Variants in ADAMTS20 observed in about 807,000 individuals in gnomAD.
ADAMTS20 encodes the protein A disintegrin and metalloproteinase with thrombospondin motifs 20.
A neutral mutation model predicts 260.1 loss-of-function variants in ADAMTS20; 225 were observed. That is an observed-to-expected ratio of 0.87 (90% CI 0.78 to 0.97). ADAMTS20 has a LOEUF of 0.97. ADAMTS20 is among the 50% of genes least tolerant of loss of function. ADAMTS20 has a pLI of 0.00. For missense variants in ADAMTS20, 2,400 were observed against 2,337.7 expected, an observed-to-expected ratio of 1.03 and a Z score of -0.55; for synonymous variants, 802 against 769.5, an observed-to-expected ratio of 1.04 and a Z score of -0.70.
At chr12:43,369,954 T>A (rs1940071181) in intron 36 of ADAMTS20, among the ~76,000 whole-genome samples, 2 of 152,120 alleles carry the variant, frequency 1.3e-5, no homozygotes, top group African/African-American at 4.8e-5. Context: ...AGAGTCTACA[T>A]AAAGTATCAA....
intron 29 of ADAMTS20, among the ~76,000 whole-genome samples, chr12:43,393,613 G>C (rs1026684073): frequency 6.6e-6 from 1 of 151,872 alleles, no homozygotes; most frequent in Non-Finnish European, 1.5e-5. Context: ...TATTTAAAAT[G>C]AAAATAGGGA....
intron 14 of ADAMTS20, among the ~76,000 whole-genome samples, chr12:43,450,091 C>A (rs55893722): frequency 0.22 from 33,814 of 152,058 alleles, 4,383 homozygotes; most frequent in African/African-American, 0.35. Context: ...CCTTAGAACT[C>A]TGCAAATAGT....
chr12:43,516,706 T>A (rs1304039459), intron 3 of ADAMTS20, among the ~76,000 whole-genome samples: 6 of 152,084 alleles, frequency 3.9e-5, no homozygotes, highest in Non-Finnish European at 5.9e-5. Context: ...TAGGCCCTCA[T>A]CATCCTTGCT....
At chr12:43,410,906 C>T (rs1941018416) in intron 28 of ADAMTS20, among the ~76,000 whole-genome samples, 1 of 152,106 alleles carries the variant, frequency 6.6e-6, no homozygotes, top group Non-Finnish European at 1.5e-5. Flanking sequence ...GGAAGTTTCA[C>T]TAGGACACAA....
Position 43,452,642 on chromosome 12 carries a change from C to T in ADAMTS20, c.1814G>A (p.Cys605Tyr). The T allele has an allele frequency of 6.2e-7, 1 of 1,612,546 alleles. No individual in the cohort carries two copies. Among genetic ancestry groups the T allele is most frequent in the African/African-American group, 1.3e-5 (1 of 75,024 alleles). Residue 605 changes from cysteine (C) to tyrosine (Y), a missense_variant, in exon 13 of 39, where the codon TGT becomes TAT. Coordinates refer to ENST00000389420, the MANE Select transcript of ADAMTS20 (RefSeq NM_025003.5). ...GCCTTTTGGACATGAATCAGTATTA[C>T]ATGATCGAAATTTCATCCTGCGGCC... is the stretch of plus-strand genomic sequence containing the variant. Reference protein sequence around the residue: ...CVGRRMKFRSCNTDSCPKGTQ... With the variant: ...CVGRRMKFRSYNTDSCPKGTQ...
chr12:43,510,983 A>G (rs1373444529), intron 3 of ADAMTS20, among the ~76,000 whole-genome samples: 1 of 152,080 alleles, frequency 6.6e-6, no homozygotes. Context: ...TTAATGTGAG[A>G]AATAGTCTCC....
intron 3 of ADAMTS20, among the ~76,000 whole-genome samples, chr12:43,503,153 AT>A (rs1186860506): frequency 6.8e-6 from 1 of 147,850 alleles, no homozygotes; most frequent in African/African-American, 2.5e-5. Flanking sequence ...GGAAAAAAAA[AT>A]TCATAGGCTG....
rs1245689262 is a variant in ADAMTS20 at position 43,356,573 on chromosome 12, T to C, written c.5554A>G (p.Asn1852Asp). The C allele has an allele frequency of 1.2e-6, 2 of 1,610,918 alleles. No individual in the cohort carries two copies. The highest frequency in any genetic ancestry group is 3.3e-5 in the Admixed American group (2 of 59,724). ...ATCTTCATCCCAGTTCCTGACAAAT[T>C]AATGCTAAACTGTCCCTGGATTGTA... ...FRCPQGQFSINLSGTGMKISS... is the reference protein window; with the variant it reads ...FRCPQGQFSIDLSGTGMKISS... The change falls in exon 38 of 39, where the codon AAT becomes GAT. Residue 1852 changes from asparagine (N) to aspartate (D), a missense_variant. Transcript: ENST00000389420.
chr12:43,411,470 C>T (rs1290953244), intron 28 of ADAMTS20, among the ~76,000 whole-genome samples: 1 of 152,100 alleles, frequency 6.6e-6, no homozygotes, highest in Non-Finnish European at 1.5e-5. Flanking sequence ...CGAGTTCAAG[C>T]GATTCTCCTG....
intron 4 of ADAMTS20, among the ~76,000 whole-genome samples, chr12:43,494,581 C>T (rs1178553633): frequency 6.6e-6 from 1 of 152,156 alleles, no homozygotes; most frequent in African/African-American, 2.4e-5. Flanking sequence ...ATGACTTTGG[C>T]TCTGGTGGTA....
chr12:43,451,489 GA>G (rs34978531), intron 14 of ADAMTS20, among the ~76,000 whole-genome samples: 48,138 of 147,508 alleles, frequency 0.33, 8,323 homozygotes, highest in East Asian at 0.75. Flanking sequence ...AAGGAGTTAA[GA>G]AAAAAAAAAA....
At chr12:43,467,111 T>A (rs561724821) in intron 8 of ADAMTS20, among the ~76,000 whole-genome samples, 1 of 152,042 alleles carries the variant, frequency 6.6e-6, no homozygotes, top group East Asian at 1.9e-4. Flanking sequence ...GGATATCCCA[T>A]GTTGTGGATA....
Position 43,427,418 on chromosome 12 carries a change from C to G in ADAMTS20, c.3997G>C (p.Asp1333His). 6.2e-7 allele frequency: 1 copy of G among 1,613,840 alleles called. No homozygotes were observed. The highest frequency in any genetic ancestry group is 8.5e-7 in the Non-Finnish European group (1 of 1,179,816). Residue 1333 changes from aspartate to histidine, a missense_variant, in exon 27 of 39, where the codon GAT (aspartate) becomes CAT (histidine). By Grantham distance (81) the Asp-to-His change is moderately conservative. Transcript: ENST00000389420. Reference sequence around the variant, plus strand: ...TAACTAGCACTTTGTCCATTTTCATCCTGGCAGACCACAGCCCTATGCTGA... The same window carrying G: ...TAACTAGCACTTTGTCCATTTTCATGCTGGCAGACCACAGCCCTATGCTGA... ...GLQHRAVVCQ[D>H]ENGQSASYCD... is the part of the protein sequence containing the mutation.
chr12:43,440,991 G>C (rs964053371), intron 16 of ADAMTS20, among the ~76,000 whole-genome samples: 1 of 151,668 alleles, frequency 6.6e-6, no homozygotes, highest in African/African-American at 2.4e-5. Context: ...CGTGAACCCG[G>C]GAGGCGGAGC....
chr12:43,427,344 C>T lies in ADAMTS20; in HGVS notation c.4071G>A (p.Gly1357=), dbSNP rs1941352245. The part of the protein sequence containing the change: ...KPPELQQCGP[G]PCPQWNYGNW... The stretch of plus-strand genomic sequence containing the variant: ...TTCCGTAGTTCCACTGTGGACAAGG[C>T]CCTGGACCACATTGCTGTAACTCTG... Residue 1357 remains glycine (G), a synonymous_variant, in exon 27 of 39, where the codon GGG becomes GGA. Transcript: ENST00000389420. 6.2e-7 allele frequency: 1 copy of T among 1,613,870 alleles called. No homozygotes were observed. The highest frequency in any genetic ancestry group is 1.1e-5 in the South Asian group (1 of 91,076).
rs1016921567 is a variant in ADAMTS20, at chr12:43,470,556, T to A, written c.1118-1851A>T. ...TGTCTAGACTCATTCAAGCTAATTC[T>A]GGGTTCTCTAAAAGTTTAAAGATAG... On this transcript the variant is annotated intron_variant, in intron 7 of 38. Coordinates refer to ENST00000389420, the MANE Select transcript of ADAMTS20 (RefSeq NM_025003.5). 5.9e-5 allele frequency among the ~76,000 whole-genome samples: 9 copies of A among 152,314 alleles called. No individual in the cohort carries two copies. In the South Asian group the frequency reaches 1.0e-3, roughly 18 times the overall value.
intron 28 of ADAMTS20, among the ~76,000 whole-genome samples, chr12:43,408,935 G>A (rs1940971333): frequency 1.3e-5 from 2 of 152,120 alleles, no homozygotes; most frequent in Admixed American, 1.3e-4. Flanking sequence ...ACATCTCAAG[G>A]TGGTTGTGAG....
Position 43,369,255 on chromosome 12 carries a change from A to C in ADAMTS20, c.5538+35T>G, listed in dbSNP as rs1940053070. 2.3e-6 allele frequency: 3 copies of C among 1,326,970 alleles called. No individual in the cohort carries two copies. The East Asian group carries it at 8.6e-5, about 38-fold the overall frequency. 82.2% of individuals were successfully genotyped at this position (1,326,970 alleles called of 1,614,324 possible). ...GAAGAGAAGCTATAATTTTTTTCAC[A>C]AAGAAAGAAAATTAATCAAACAAAT... On this transcript the variant is annotated intron_variant, in intron 37 of 38. Transcript: ENST00000389420.
rs1349922610 is a variant in ADAMTS20, at chr12:43,429,693, G to A, written c.3413C>T (p.Ser1138Phe). Reference sequence around the variant, plus strand: ...TGGTAATAAAGCGGTCTCAAGTTTAGAAATAAATGAGCAAGGTGTAAGTAC... The same window carrying A: ...TGGTAATAAAGCGGTCTCAAGTTTAAAAATAAATGAGCAAGGTGTAAGTAC... ...SCVLTPCSFI[S>F]KLETALLPTV... Residue 1138 changes from serine (S) to phenylalanine (F), a missense_variant, in exon 24 of 39, where the codon TCT becomes TTT. Ser to Phe is a radical substitution (Grantham distance 155). Transcript: ENST00000389420. The A allele has an allele frequency of 1.3e-6, 2 of 1,591,776 alleles. No individual in the cohort carries two copies. The highest frequency in any genetic ancestry group is 1.7e-6 in the Non-Finnish European group (2 of 1,167,784).
Sources: gnomAD v4.1 joint callset for allele counts (sites outside exome capture counted in the v4.1 genomes callset) on GRCh38, gnomAD v4.1.1 for gene constraint, MANE v1.5 for transcripts, NCBI Gene and HGNC (gene_info 2026-07-23, HGNC 2026-07-21) for gene names.